MARCHF6: variants seen among roughly 807,000 people sequenced by gnomAD.
The protein encoded by MARCHF6 is E3 ubiquitin-protein ligase MARCHF6.
A neutral mutation model predicts 133.7 loss-of-function variants in MARCHF6; 31 were observed. The observed-to-expected ratio is 0.23, with a 90% CI of 0.17 to 0.31. MARCHF6 has a LOEUF of 0.31. MARCHF6 is among the 10% of genes least tolerant of loss of function. The pLI, the probability that MARCHF6 is intolerant of heterozygous loss-of-function variation, is 1.00. For synonymous variants in MARCHF6, 395 were observed against 402.5 expected (o/e 0.98, Z 0.22); for missense variants, 723 against 1,121.6 (o/e 0.64, Z 5.08).
At chr5:10,421,599 C>T (rs1739827929) in intron 22 of MARCHF6, among the ~76,000 whole-genome samples, 1 of 152,174 alleles carries the variant, frequency 6.6e-6, no homozygotes, top group Non-Finnish European at 1.5e-5. Context: ...TGTGTCCTGT[C>T]TGGCAGGAGA....
At chr5:10,395,364 T>G (rs528264195) in intron 9 of MARCHF6, among the ~76,000 whole-genome samples, 1 of 152,326 alleles carries the variant, frequency 6.6e-6, no homozygotes, top group African/African-American at 2.4e-5. Flanking sequence ...TAAAGTTTCA[T>G]CTTGCAGTGT....
At chr5:10,386,008 G>A (rs753385559) in intron 4 of MARCHF6, among the ~76,000 whole-genome samples, 3 of 151,396 alleles carry the variant, frequency 2.0e-5, no homozygotes, top group African/African-American at 4.8e-5. Flanking sequence ...TTCCATGTAC[G>A]TGAGTGTTGT....
chr5:10,353,887 C>G lies in MARCHF6; in HGVS notation c.-12C>G, dbSNP rs1459966419. ...GCCTCGTGGCTGCGTCACCGCCGCC[C>G]CCCCAGACAAGATGGACACCGCGGA... On this transcript the variant is annotated 5_prime_UTR_variant, in exon 1 of 26. Transcript: ENST00000274140. 6.4e-7 allele frequency: 1 copy of G among 1,564,558 alleles called. No individual in the cohort carries two copies. The highest frequency in any genetic ancestry group is 1.4e-5 in the African/African-American group (1 of 73,044).
intron 20 of MARCHF6, among the ~76,000 whole-genome samples, chr5:10,415,259 G>C (rs1024996727): frequency 2.0e-5 from 3 of 152,182 alleles, no homozygotes; most frequent in Admixed American, 6.5e-5. Context: ...CAGAGTGTAT[G>C]TCCCAGTAGA....
chr5:10,396,972 C>T (rs1738230801), intron 9 of MARCHF6, among the ~76,000 whole-genome samples: 1 of 152,124 alleles, frequency 6.6e-6, no homozygotes, highest in South Asian at 2.1e-4. Context: ...TTTTTAGTGT[C>T]ATTTGATTTA....
At chr5:10,405,061 T>C (rs893135307) in intron 15 of MARCHF6, among the ~76,000 whole-genome samples, 3 of 152,108 alleles carry the variant, frequency 2.0e-5, no homozygotes, top group Non-Finnish European at 4.4e-5. Flanking sequence ...AGAATAGAAG[T>C]TTGGGCAGAT....
intron 25 of MARCHF6, among the ~76,000 whole-genome samples, chr5:10,432,582 G>C (rs1399873625): frequency 6.6e-6 from 1 of 152,220 alleles, no homozygotes; most frequent in Non-Finnish European, 1.5e-5. Context: ...GTGAGCCTTC[G>C]ATGCAGCTGT....
rs1009736137 is a variant in MARCHF6 at position 10,428,411 on chromosome 5, G to A, written c.2507-1482G>A. Among the ~76,000 whole-genome samples the A allele has an allele frequency of 4.2e-5, 6 of 142,392 alleles. No homozygotes were observed. The South Asian group carries it at 6.6e-4, about 16-fold the overall frequency. The allele number at this position is 142,392 out of a possible 152,430, so 93.4% of individuals were successfully genotyped here. On this transcript the variant is annotated intron_variant, in intron 24 of 25. Coordinates refer to ENST00000274140, the MANE Select transcript of MARCHF6 (RefSeq NM_005885.4). Reference sequence around the variant, plus strand: ...GGCTGGAGTACAGTGGTGCAGTCTCGGCTCGCTGCAACCTCCACCTCCTGG... The same window carrying A: ...GGCTGGAGTACAGTGGTGCAGTCTCAGCTCGCTGCAACCTCCACCTCCTGG...
chr5:10,415,333 C>T, intron 20 of MARCHF6, 155 bp from the exon 21 acceptor site: 1 of 687,578 alleles, frequency 1.5e-6, no homozygotes, highest in East Asian at 2.7e-5. Context: ...ACTCTTTAGA[C>T]ATTGTGATTT....
At chr5:10,414,973 G>A (rs1408945505) in intron 20 of MARCHF6, among the ~76,000 whole-genome samples, 1 of 152,114 alleles carries the variant, frequency 6.6e-6, no homozygotes, top group Non-Finnish European at 1.5e-5. Context: ...GGTATTCTTT[G>A]ATTATTGTGC....
At chr5:10,403,618 G>T in intron 15 of MARCHF6, 77 bp downstream of exon 15, 1 of 1,320,060 alleles carries the variant, frequency 7.6e-7, no homozygotes, top group Non-Finnish European at 1.0e-6. Context: ...ATGTCTCAAA[G>T]GCTATGATGA....
At position 10,419,668 on chromosome 5, in the gene MARCHF6, C is replaced by T. The variant is rs528644487; in HGVS notation, c.2283+2264C>T. 2.2e-4 allele frequency among the ~76,000 whole-genome samples: 33 copies of T among 149,222 alleles called. No individual in the cohort carries two copies. The South Asian group carries it at 3.6e-3, about 16-fold the overall frequency. On this transcript the variant is annotated intron_variant, in intron 22 of 25. Coordinates refer to ENST00000274140, the MANE Select transcript of MARCHF6 (RefSeq NM_005885.4). ...GCAAATAAAGGTAGAGAGATTAACACGATTAGAAAAATACTATTTTGCAAT... is the reference window on the plus strand; with the variant it reads ...GCAAATAAAGGTAGAGAGATTAACATGATTAGAAAAATACTATTTTGCAAT...
At chr5:10,392,902 G>A (rs1463037312) in intron 7 of MARCHF6, among the ~76,000 whole-genome samples, 1 of 151,990 alleles carries the variant, frequency 6.6e-6, no homozygotes, top group Non-Finnish European at 1.5e-5. Context: ...GTCTCTTTGT[G>A]TCACGTACTC....
chr5:10,436,872 T>C lies in MARCHF6; in HGVS notation c.*3188T>C, dbSNP rs1740675800. The stretch of plus-strand genomic sequence containing the variant: ...CTCAATTCCAGATGTAAACAAAAAG[T>C]AATTTTTATTTCAACATTTAATGTA... On this transcript the variant is annotated 3_prime_UTR_variant, in exon 26 of 26. Coordinates refer to ENST00000274140, the MANE Select transcript of MARCHF6 (RefSeq NM_005885.4). 1 of 152,198 alleles carries C rather than the reference T, an allele frequency of 6.6e-6. No individual in the cohort carries two copies. The highest frequency in any genetic ancestry group is 2.4e-5 in the African/African-American group (1 of 41,432). 9.4% of individuals were successfully genotyped at this position (152,198 alleles called of 1,614,324 possible). A position where few individuals can be genotyped will look rare whatever the true frequency, so the allele number is the denominator to read the frequency against.
At chr5:10,401,004 C>G (rs1398611610) in intron 11 of MARCHF6, 162 bp downstream of exon 11, 2 of 585,044 alleles carry the variant, frequency 3.4e-6, no homozygotes, top group Non-Finnish European at 5.9e-6. Flanking sequence ...ATAACAGTGG[C>G]TCAAGAGATA....
Position 10,429,395 on chromosome 5 carries a change from C to CT in MARCHF6, c.2507-481dup, listed in dbSNP as rs571345405. On this transcript the variant is annotated intron_variant, in intron 24 of 25. Transcript: ENST00000274140. ...CATGAGAAGTCATCTCGTCCAGTTCCTTTTTTTTTTTTTTTTTGAGGCAGG... is the reference window on the plus strand; with the variant it reads ...CATGAGAAGTCATCTCGTCCAGTTCCTTTTTTTTTTTTTTTTTTGAGGCAGG... Among the ~76,000 whole-genome samples, 767 of 134,544 alleles carry CT rather than the reference C, an allele frequency of 5.7e-3. 7 individuals are homozygous for CT. The highest frequency in any genetic ancestry group is 0.011 in the African/African-American group (406 of 37,066). 88.3% of individuals were successfully genotyped at this position (134,544 alleles called of 152,430 possible).
intron 24 of MARCHF6, among the ~76,000 whole-genome samples, chr5:10,427,732 G>A (rs1179793450): frequency 1.3e-5 from 2 of 152,222 alleles, no homozygotes; most frequent in East Asian, 3.9e-4. Context: ...CCCTTTGTGT[G>A]TGTGCCCTTC....
chr5:10,377,547 G>A (rs950404900), intron 1 of MARCHF6, among the ~76,000 whole-genome samples: 14 of 151,984 alleles, frequency 9.2e-5, no homozygotes, highest in African/African-American at 3.4e-4. Context: ...TCTTATTTTC[G>A]ACTTTGATTT....
At chr5:10,392,612 G>A (rs866773516) in intron 7 of MARCHF6, among the ~76,000 whole-genome samples, 4 of 152,192 alleles carry the variant, frequency 2.6e-5, no homozygotes, top group Middle Eastern at 3.4e-3. Context: ...AAATTAGCTG[G>A]GTGTGGTGGC....
Sources: gnomAD v4.1 joint callset for allele counts (sites outside exome capture counted in the v4.1 genomes callset) on GRCh38, gnomAD v4.1.1 for gene constraint, MANE v1.5 for transcripts, NCBI Gene and HGNC (gene_info 2026-07-23, HGNC 2026-07-21) for gene names.